Variants in FGF13 observed in about 807,000 individuals in gnomAD.
The protein encoded by FGF13 is fibroblast growth factor homologous factor 2.
A neutral mutation model predicts 19.5 loss-of-function variants in FGF13; 2 were observed. That is an observed-to-expected ratio of 0.10 (90% CI 0.04 to 0.32). The LOEUF is 0.32. FGF13 is among the 10% of genes least tolerant of loss of function. The pLI is 1.00. For synonymous variants in FGF13, 72 were observed against 76.9 expected, an observed-to-expected ratio of 0.94 and a Z score of 0.33; for missense variants, 113 against 192.7, an observed-to-expected ratio of 0.59 and a Z score of 2.45.
chrX:138,829,831 C>G (rs2091059168), intron 3 of FGF13, among the ~76,000 whole-genome samples: 1 of 111,473 alleles, frequency 9.0e-6, no homozygotes, highest in Non-Finnish European at 1.9e-5. Context: ...ATTCTCCTGC[C>G]TCAGCCTCCC....
chrX:138,806,638 G>A (rs756708218), intron 3 of FGF13: 3 of 112,152 alleles, frequency 2.7e-5, no homozygotes, highest in Admixed American at 1.9e-4. Context: ...TCTATAAAAC[G>A]CCTCATTGAG....
intron 1 of FGF13, among the ~76,000 whole-genome samples, chrX:138,910,892 G>A (rs944914211): frequency 8.9e-6 from 1 of 111,739 alleles, no homozygotes; most frequent in African/African-American, 3.3e-5. Flanking sequence ...TTTATACTGT[G>A]AGGTAAGCAG....
intron 3 of FGF13, among the ~76,000 whole-genome samples, chrX:138,651,842 G>C (rs977542785): frequency 8.9e-6 from 1 of 112,014 alleles, no homozygotes; most frequent in Non-Finnish European, 1.9e-5. Context: ...AGGCCACATG[G>C]GGTGGAGGGA....
chrX:139,010,864 A>T (rs1418659974), intron 1 of FGF13, among the ~76,000 whole-genome samples: 2 of 111,673 alleles, frequency 1.8e-5, no homozygotes, highest in Non-Finnish European at 3.8e-5. Context: ...TGAAACAAAA[A>T]GCTGGTTCTT....
intron 2 of FGF13, among the ~76,000 whole-genome samples, chrX:138,705,392 C>T (rs1421820744): frequency 9.0e-6 from 1 of 111,464 alleles, no homozygotes; most frequent in Non-Finnish European, 1.9e-5. Flanking sequence ...GTCTAAATTT[C>T]AAACATCAGA....
intron 3 of FGF13, among the ~76,000 whole-genome samples, chrX:138,810,263 A>T (rs1374131880): frequency 9.0e-6 from 1 of 111,722 alleles, no homozygotes; most frequent in African/African-American, 3.3e-5. Flanking sequence ...CCAATGGAAC[A>T]AAACAGAGCC....
At chrX:139,167,189 C>T (rs73634004) in intron 1 of FGF13, among the ~76,000 whole-genome samples, 122 of 111,922 alleles carry the variant, frequency 1.1e-3, no homozygotes, top group African/African-American at 3.5e-3. Context: ...CATAAGTCAA[C>T]GGAAGCACCT....
intron 3 of FGF13, among the ~76,000 whole-genome samples, chrX:138,641,793 T>C (rs2089254142): frequency 9.0e-6 from 1 of 111,519 alleles, no homozygotes. Flanking sequence ...AGGGAATCAA[T>C]ACTCACCCAG....
At position 139,169,177 on chromosome X, in the gene FGF13, A is replaced by C. The variant is rs1222239454; in HGVS notation, c.-113+34239T>G. ...GAAGTTGTGCAAGGTCACACACCTC[A>C]TAAGGGTTGAGCAGACATTTGATTC... On this transcript the variant is annotated intron_variant, in intron 1 of 2. Coordinates refer to the FGF13 transcript ENST00000421460. Among the ~76,000 whole-genome samples the C allele has an allele frequency of 2.7e-5, 3 of 112,274 alleles. No individual in the cohort carries two copies. The East Asian group carries it at 8.4e-4, about 31-fold the overall frequency.
intron 1 of FGF13, among the ~76,000 whole-genome samples, chrX:138,967,831 C>T (rs142471433): frequency 0.01 from 1,162 of 111,367 alleles, 15 homozygotes; most frequent in African/African-American, 0.035. Context: ...GAAATGGAAA[C>T]TAAGGCAGTC....
At chrX:138,640,865 T>C (rs1430234343) in intron 3 of FGF13, among the ~76,000 whole-genome samples, 1 of 111,974 alleles carries the variant, frequency 8.9e-6, no homozygotes, top group Non-Finnish European at 1.9e-5. Context: ...CACTGTTTCA[T>C]GTGTGTCCGT....
At chrX:138,792,171 T>G (rs931073503) in intron 3 of FGF13, among the ~76,000 whole-genome samples, 7 of 112,285 alleles carry the variant, frequency 6.2e-5, no homozygotes, top group African/African-American at 1.9e-4. Context: ...ATGTCTAGCA[T>G]AGACTAGGTA....
rs2089110204 is a variant in FGF13, at chrX:138,631,028, T to A, written c.*1822A>T. ...AAAGCAAAATGGTTGTATGGTAAAG[T>A]ATGAGTTCTACTAAATGCCTATTGC... On this transcript the variant is annotated 3_prime_UTR_variant, in exon 5 of 5. Coordinates refer to ENST00000315930, the MANE Select transcript of FGF13 (RefSeq NM_004114.5). The A allele has an allele frequency of 8.9e-6, 1 of 111,789 alleles. No individual in the cohort carries two copies. Among genetic ancestry groups the A allele is most frequent in the Non-Finnish European group, 1.9e-5 (1 of 53,185 alleles). 9.2% of individuals were successfully genotyped at this position (111,789 alleles called of 1,213,427 possible). A position where few individuals can be genotyped will look rare whatever the true frequency, so the allele number is the denominator to read the frequency against.
chrX:138,831,576 C>T (rs1487103461), intron 3 of FGF13, among the ~76,000 whole-genome samples: 1 of 111,899 alleles, frequency 8.9e-6, no homozygotes, highest in Non-Finnish European at 1.9e-5. Flanking sequence ...AAACAACTAA[C>T]CCTTCCTGCC....
chrX:139,114,067 G>T (rs1215602730), intron 1 of FGF13, among the ~76,000 whole-genome samples: 1 of 111,873 alleles, frequency 8.9e-6, no homozygotes, highest in Non-Finnish European at 1.9e-5. Context: ...GAGAGCTCAG[G>T]TCTCCTTCTA....
intron 1 of FGF13, among the ~76,000 whole-genome samples, chrX:139,109,260 C>T (rs989741377): frequency 1.8e-5 from 2 of 111,765 alleles, no homozygotes; most frequent in Admixed American, 1.9e-4. Flanking sequence ...TCTGTCCTTG[C>T]TCTGGGAGAT....
intron 1 of FGF13, among the ~76,000 whole-genome samples, chrX:139,153,650 A>G (rs1413921885): frequency 8.9e-6 from 1 of 111,827 alleles, no homozygotes; most frequent in Admixed American, 9.5e-5. Flanking sequence ...TGTGAGTTAA[A>G]TTATGTCCCC....
intron 1 of FGF13, among the ~76,000 whole-genome samples, chrX:139,180,045 C>G (rs992888555): frequency 1.8e-5 from 2 of 112,191 alleles, no homozygotes; most frequent in African/African-American, 6.5e-5. Context: ...GAGGATACAC[C>G]ATTACTAACA....
intron 3 of FGF13, among the ~76,000 whole-genome samples, chrX:138,759,004 A>T (rs748552315): frequency 8.9e-6 from 1 of 112,008 alleles, no homozygotes; most frequent in African/African-American, 3.2e-5. Context: ...TTGAACGACA[A>T]CTCCTTAAGG....
Sources: allele counts gnomAD v4.1 joint callset (sites outside exome capture counted in the v4.1 genomes callset), GRCh38; gene constraint gnomAD v4.1.1; transcripts MANE v1.5; gene names NCBI Gene and HGNC (gene_info 2026-07-23, HGNC 2026-07-21).